Variants in OPCML observed in about 807,000 individuals in gnomAD.
The protein encoded by OPCML is opioid-binding protein/cell adhesion molecule.
In OPCML, 13 loss-of-function variants were observed where a neutral mutation model predicts 37.8. That is an observed-to-expected ratio of 0.34 (90% CI 0.22 to 0.55). OPCML has a LOEUF of 0.55. Ranked by LOEUF, OPCML falls within the 20% of genes least tolerant of loss-of-function variation. The pLI, the probability that OPCML is intolerant of heterozygous loss-of-function variation, is 0.91. For missense variants in OPCML, 341 were observed against 435.6 expected, an observed-to-expected ratio of 0.78 and a Z score of 1.93; for synonymous variants, 176 against 168.8, an observed-to-expected ratio of 1.04 and a Z score of -0.33.
intron 2 of OPCML, among the ~76,000 whole-genome samples, chr11:132,688,612 G>A (rs1020348942): frequency 1.3e-5 from 2 of 152,052 alleles, no homozygotes; most frequent in Non-Finnish European, 2.9e-5. Flanking sequence ...GATGGAATTG[G>A]TACTGGATAA....
chr11:133,483,311 C>CAGATAGATAGATAGACAGATAGAT (rs1555165541), intron 1 of OPCML, among the ~76,000 whole-genome samples: 13 of 148,526 alleles, frequency 8.8e-5, no homozygotes, highest in African/African-American at 2.8e-4. Flanking sequence ...GATAGATAGG[C>CAGATAGATAGATAGACAGATAGAT]AGATAGATAG....
chr11:132,478,737 G>A (rs970963830), intron 4 of OPCML, among the ~76,000 whole-genome samples: 7 of 152,052 alleles, frequency 4.6e-5, no homozygotes, highest in Admixed American at 2.0e-4. Context: ...TTTGTTTGTG[G>A]TCATTCTTTG....
At chr11:132,574,761 A>G (rs766541727) in intron 3 of OPCML, among the ~76,000 whole-genome samples, 18 of 151,958 alleles carry the variant, frequency 1.2e-4, no homozygotes, top group Non-Finnish European at 2.1e-4. Context: ...TGTTCTATAT[A>G]TGTCCATTAG....
chr11:133,041,963 A>G (rs1947906799), intron 1 of OPCML, among the ~76,000 whole-genome samples: 1 of 152,082 alleles, frequency 6.6e-6, no homozygotes, highest in Non-Finnish European at 1.5e-5. Flanking sequence ...GGCTCCAGGG[A>G]TCAATATCCA....
chr11:133,421,610 T>C (rs73035167), intron 1 of OPCML: 172,009 of 985,196 alleles, frequency 0.17, 15,374 homozygotes, highest in African/African-American at 0.23. Flanking sequence ...TCTATAACCA[T>C]TGAATGTTAA....
chr11:133,472,823 C>T (rs1414437188), intron 1 of OPCML, among the ~76,000 whole-genome samples: 1 of 151,984 alleles, frequency 6.6e-6, no homozygotes, highest in African/African-American at 2.4e-5. Flanking sequence ...AATTGGCAAT[C>T]TCGTCCCTGG....
At chr11:132,981,361 C>A (rs1216755690) in intron 1 of OPCML, among the ~76,000 whole-genome samples, 1 of 152,146 alleles carries the variant, frequency 6.6e-6, no homozygotes, top group Non-Finnish European at 1.5e-5. Context: ...GCCCACTCTG[C>A]AGGCAGCACT....
At chr11:133,190,665 C>T (rs886469161) in intron 1 of OPCML, among the ~76,000 whole-genome samples, 1 of 152,168 alleles carries the variant, frequency 6.6e-6, no homozygotes, top group South Asian at 2.1e-4. Context: ...TACAACCACT[C>T]ATATAATTTC....
chr11:133,389,021 G>C (rs376871527), intron 1 of OPCML, among the ~76,000 whole-genome samples: 9 of 152,164 alleles, frequency 5.9e-5, no homozygotes, highest in African/African-American at 2.2e-4. Context: ...AATTTTGAGT[G>C]TCAGAGGCAA....
intron 1 of OPCML, among the ~76,000 whole-genome samples, chr11:133,340,812 T>C (rs1033450636): frequency 6.6e-6 from 1 of 152,136 alleles, no homozygotes; most frequent in Non-Finnish European, 1.5e-5. Flanking sequence ...TAAGCACCTG[T>C]TTCTGTGACG....
At chr11:133,520,750 A>G (rs1213926730) in intron 1 of OPCML, among the ~76,000 whole-genome samples, 1 of 152,134 alleles carries the variant, frequency 6.6e-6, no homozygotes, top group African/African-American at 2.4e-5. Context: ...GGAGCCAGAG[A>G]GCACTTTTAG....
intron 1 of OPCML, among the ~76,000 whole-genome samples, chr11:133,515,432 C>T (rs1195999556): frequency 1.3e-5 from 2 of 152,182 alleles, no homozygotes; most frequent in African/African-American, 4.8e-5. Context: ...TGCTAAACAT[C>T]ATACAATGCA....
chr11:133,433,098 T>C (rs532900927), intron 1 of OPCML, among the ~76,000 whole-genome samples: 213 of 152,232 alleles, frequency 1.4e-3, no homozygotes, highest in African/African-American at 5.0e-3. Flanking sequence ...GAAATTTTAC[T>C]CTCAATTATT....
At chr11:132,583,684 T>G (rs1192921872) in intron 3 of OPCML, among the ~76,000 whole-genome samples, 1 of 152,048 alleles carries the variant, frequency 6.6e-6, no homozygotes, top group African/African-American at 2.4e-5. Context: ...TGGCGCAAAC[T>G]CAGCTCACTG....
At chr11:133,421,069 A>G in intron 1 of OPCML, 1 of 985,436 alleles carries the variant, frequency 1.0e-6, no homozygotes, top group Non-Finnish European at 1.2e-6. Flanking sequence ...TCAGTAGATT[A>G]TTGGAGGGCA....
intron 3 of OPCML, among the ~76,000 whole-genome samples, chr11:132,592,429 G>T (rs2096485972): frequency 6.6e-6 from 1 of 152,218 alleles, no homozygotes; most frequent in Non-Finnish European, 1.5e-5. Flanking sequence ...GGGGATCCAA[G>T]TTACCATAAT....
intron 1 of OPCML, among the ~76,000 whole-genome samples, chr11:133,323,247 A>T (rs1943374777): frequency 6.6e-6 from 1 of 152,210 alleles, no homozygotes; most frequent in Non-Finnish European, 1.5e-5. Context: ...AACATCAATT[A>T]TCACCTCCTC....
chr11:132,699,397 G>T (rs1943722797), intron 2 of OPCML, among the ~76,000 whole-genome samples: 2 of 152,042 alleles, frequency 1.3e-5, no homozygotes, highest in Non-Finnish European at 2.9e-5. Flanking sequence ...TTAGATAAAA[G>T]AGATAGATGG....
At chr11:132,882,355 T>C (rs1488353332) in intron 2 of OPCML, among the ~76,000 whole-genome samples, 1 of 152,166 alleles carries the variant, frequency 6.6e-6, no homozygotes, top group Non-Finnish European at 1.5e-5. Context: ...CTTCCTATCA[T>C]GCTGGGAATA....
Sources: gnomAD v4.1 joint callset for allele counts (sites outside exome capture counted in the v4.1 genomes callset) on GRCh38, gnomAD v4.1.1 for gene constraint, MANE v1.5 for transcripts, NCBI Gene and HGNC (gene_info 2026-07-23, HGNC 2026-07-21) for gene names.